FBLN7: variants seen among roughly 807,000 people sequenced by gnomAD.
FBLN7 encodes fibulin 7, also known as fibulin-7.
FBLN7 carries 31 observed loss-of-function variants against 44.0 expected under a neutral mutation model. The observed-to-expected ratio is 0.70, with a 90% CI of 0.53 to 0.95. FBLN7 has a LOEUF of 0.95. FBLN7 is among the 40% of genes least tolerant of loss of function. The pLI, the probability that FBLN7 is intolerant of heterozygous loss-of-function variation, is 0.00. For missense variants in FBLN7, 573 were observed against 618.5 expected, an observed-to-expected ratio of 0.93 and a Z score of 0.78; for synonymous variants, 262 against 253.4, an observed-to-expected ratio of 1.03 and a Z score of -0.32.
chr2:112,179,714 A>G (rs1172466782), intron 4 of FBLN7, among the ~76,000 whole-genome samples: 2 of 152,228 alleles, frequency 1.3e-5, no homozygotes, highest in Admixed American at 1.3e-4. Flanking sequence ...CTGATCTTTG[A>G]CCAAGCTGAC....
At chr2:112,153,412 C>G (rs1485445295) in intron 1 of FBLN7, among the ~76,000 whole-genome samples, 1 of 152,174 alleles carries the variant, frequency 6.6e-6, no homozygotes, top group African/African-American at 2.4e-5. Context: ...CATCGGAGGT[C>G]TTGGAGCTCT....
intron 3 of FBLN7, among the ~76,000 whole-genome samples, chr2:112,168,759 T>G (rs1682296432): frequency 6.6e-6 from 1 of 152,190 alleles, no homozygotes; most frequent in South Asian, 2.1e-4. Flanking sequence ...CCACCAGTCG[T>G]GTGGTTGCCA....
chr2:112,152,677 C>G (rs1322299848), intron 1 of FBLN7: 1 of 152,142 alleles, frequency 6.6e-6, no homozygotes, highest in African/African-American at 2.4e-5. Context: ...GACTGAGGTC[C>G]CCTGAGGAGG....
At chr2:112,158,728 C>G (rs543638688) in intron 1 of FBLN7, among the ~76,000 whole-genome samples, 32 of 152,148 alleles carry the variant, frequency 2.1e-4, no homozygotes, top group African/African-American at 7.5e-4. Flanking sequence ...CATGAACCAC[C>G]GAGCCTGGCT....
intron 1 of FBLN7, among the ~76,000 whole-genome samples, chr2:112,145,244 G>A (rs2104538001): frequency 6.6e-6 from 1 of 152,210 alleles, no homozygotes; most frequent in Non-Finnish European, 1.5e-5. Context: ...AGTCTATTGG[G>A]CAAAACGTCT....
the FBLN7 span, among the ~76,000 whole-genome samples, chr2:112,197,254 C>T: frequency 1.6e-5 from 2 of 124,428 alleles, no homozygotes; most frequent in Admixed American, 8.1e-5. Flanking sequence ...CACACACACA[C>T]ACACACACAC....
At chr2:112,196,857 G>A in the FBLN7 span, among the ~76,000 whole-genome samples, 6 of 152,178 alleles carry the variant, frequency 3.9e-5, no homozygotes, top group Non-Finnish European at 7.3e-5. Context: ...CCTGGCTGGG[G>A]AGGCCTCACA....
chr2:112,230,546 A>G, the FBLN7 span, among the ~76,000 whole-genome samples: 39 of 152,322 alleles, frequency 2.6e-4, no homozygotes, highest in Non-Finnish European at 4.4e-4. Context: ...ACACGAATGA[A>G]TAATGTTGGG....
chr2:112,200,970 T>C, the FBLN7 span, among the ~76,000 whole-genome samples: 4 of 152,234 alleles, frequency 2.6e-5, no homozygotes, highest in Non-Finnish European at 5.9e-5. Context: ...AAGTGCCTTT[T>C]ATGTGCTTGA....
At chr2:112,224,099 T>C in the FBLN7 span, among the ~76,000 whole-genome samples, 1 of 152,112 alleles carries the variant, frequency 6.6e-6, no homozygotes, top group Admixed American at 6.5e-5. Flanking sequence ...AGATAGATAA[T>C]GCCACTGCAC....
At chr2:112,196,089 C>T in the FBLN7 span, among the ~76,000 whole-genome samples, 8 of 152,234 alleles carry the variant, frequency 5.3e-5, no homozygotes, top group African/African-American at 1.9e-4. Context: ...GGAGGTTGCC[C>T]TGTCAGCTCA....
the FBLN7 span, among the ~76,000 whole-genome samples, chr2:112,226,607 C>CAAAAAAAAAA: frequency 1.9e-5 from 1 of 53,198 alleles, no homozygotes; most frequent in African/African-American, 9.5e-5. Flanking sequence ...AAAAAAAAAG[C>CAAAAAAAAAA]TCAGGCCCAG....
chr2:112,215,464 G>A, the FBLN7 span: 1 of 152,026 alleles, frequency 6.6e-6, no homozygotes, highest in Admixed American at 6.6e-5. Context: ...TCCCTTTCTT[G>A]CTTTAGCAGG....
At chr2:112,157,697 C>G (rs1451994667) in intron 1 of FBLN7, among the ~76,000 whole-genome samples, 1 of 152,194 alleles carries the variant, frequency 6.6e-6, no homozygotes, top group African/African-American at 2.4e-5. Flanking sequence ...AATCATGACT[C>G]ACTGCAGCCT....
At chr2:112,154,276 C>T (rs1266253609) in intron 1 of FBLN7, among the ~76,000 whole-genome samples, 1 of 152,142 alleles carries the variant, frequency 6.6e-6, no homozygotes, top group Non-Finnish European at 1.5e-5. Flanking sequence ...TAAGTTGGGC[C>T]ACGACTGGTT....
At chr2:112,221,243 G>A in the FBLN7 span, among the ~76,000 whole-genome samples, 1 of 152,108 alleles carries the variant, frequency 6.6e-6, no homozygotes, top group Non-Finnish European at 1.5e-5. Flanking sequence ...GATAATGGGG[G>A]CAGATTTCTC....
In FBLN7 at chr2:112,160,756, A is replaced by ACG. The variant is rs1201656617; in HGVS notation, c.235+922_235+923insGC. On this transcript the variant is annotated intron_variant, in intron 2 of 7. Transcript: ENST00000331203. ...CGCACACGCACACACGCGCACGCAC[A>ACG]CACGCACGCACACGCAGACGCACAC... Among the ~76,000 whole-genome samples, 142 of 85,616 alleles carry ACG rather than the reference A, an allele frequency of 1.7e-3. 2 individuals are homozygous for ACG. The highest frequency in any genetic ancestry group is 6.6e-3 in the African/African-American group (137 of 20,822). The allele number at this position is 85,616 out of a possible 152,430, so 56.2% of individuals were successfully genotyped here.
At chr2:112,182,116 C>A (rs1683032643) in intron 5 of FBLN7, 3 of 535,412 alleles carry the variant, frequency 5.6e-6, no homozygotes, top group African/African-American at 2.0e-5. Flanking sequence ...CCAAGCCACA[C>A]GCGCTTGGTT....
chr2:112,185,311 A>G lies in FBLN7; in HGVS notation c.919A>G (p.Asn307Asp), dbSNP rs766089904. ...CCCTGAGTGCCCCGAGGGCAGCGGC[A>G]ATGTGAGCTACGTGAAGACGTCTCC... ...VSPECPEGSG[N>D]VSYVKTSPFQ... The change falls in exon 7 of 8, where the codon AAT becomes GAT. Residue 307 changes from asparagine to aspartate, a missense_variant. Asn to Asp is a conservative substitution (Grantham distance 23). Coordinates refer to ENST00000331203, the MANE Select transcript of FBLN7 (RefSeq NM_153214.3). 6.8e-6 allele frequency: 11 copies of G among 1,613,874 alleles called. No homozygotes were observed. In the Admixed American group the frequency reaches 1.5e-4, roughly 22 times the overall value.
Sources: gnomAD v4.1 joint callset for allele counts (sites outside exome capture counted in the v4.1 genomes callset) on GRCh38, gnomAD v4.1.1 for gene constraint, MANE v1.5 for transcripts, NCBI Gene and HGNC (gene_info 2026-07-23, HGNC 2026-07-21) for gene names.